Variants in LDB2 observed in about 807,000 individuals in gnomAD.
The protein encoded by LDB2 is LIM domain-binding protein 2.
A neutral mutation model predicts 44.3 loss-of-function variants in LDB2; 12 were observed. That is an observed-to-expected ratio of 0.27 (90% CI 0.17 to 0.44). The LOEUF (loss-of-function observed/expected upper bound fraction) is 0.44. LDB2 is among the 20% of genes least tolerant of loss of function. The pLI, the probability that LDB2 is intolerant of heterozygous loss-of-function variation, is 1.00. For missense variants in LDB2, 344 were observed against 473.5 expected (o/e 0.73, Z 2.54); for synonymous variants, 164 against 174.8 (o/e 0.94, Z 0.49).
intron 5 of LDB2, among the ~76,000 whole-genome samples, chr4:16,561,729 C>A (rs1163989117): frequency 1.3e-5 from 2 of 152,132 alleles, no homozygotes; most frequent in African/African-American, 4.8e-5. Context: ...CTTTAAAGTT[C>A]ACATGGAACC....
intron 1 of LDB2, among the ~76,000 whole-genome samples, chr4:16,812,339 AC>A (rs1780036236): frequency 6.6e-6 from 1 of 152,088 alleles, no homozygotes; most frequent in African/African-American, 2.4e-5. Flanking sequence ...TTTTCTCTTA[AC>A]ACAGGAAGGG....
chr4:16,878,230 A>G (rs1718998007), intron 1 of LDB2, among the ~76,000 whole-genome samples: 2 of 152,150 alleles, frequency 1.3e-5, no homozygotes, highest in Non-Finnish European at 2.9e-5. Flanking sequence ...TTTCCAATGG[A>G]TTCTGGGAAC....
At chr4:16,701,622 A>G (rs1415962015) in intron 2 of LDB2, among the ~76,000 whole-genome samples, 4 of 152,198 alleles carry the variant, frequency 2.6e-5, no homozygotes, top group Admixed American at 6.5e-5. Context: ...TAACCTTTGG[A>G]AAGTCACACA....
intron 2 of LDB2, among the ~76,000 whole-genome samples, chr4:16,729,489 A>T (rs1261038749): frequency 6.6e-6 from 1 of 152,218 alleles, no homozygotes; most frequent in Non-Finnish European, 1.5e-5. Flanking sequence ...TCAGCCAGAG[A>T]GCAGGAGAGG....
intron 1 of LDB2, among the ~76,000 whole-genome samples, chr4:16,761,445 A>G (rs1767897008): frequency 6.6e-6 from 1 of 152,164 alleles, no homozygotes; most frequent in Non-Finnish European, 1.5e-5. Context: ...TGCAGCCAGG[A>G]CTCACGCTCA....
chr4:16,703,543 G>A (rs1039523704), intron 2 of LDB2, among the ~76,000 whole-genome samples: 7 of 152,316 alleles, frequency 4.6e-5, no homozygotes, highest in Non-Finnish European at 8.8e-5. Flanking sequence ...GTCTACTGCC[G>A]ATTGGCTGTA....
chr4:16,847,712 G>A (rs1432062785), intron 1 of LDB2, among the ~76,000 whole-genome samples: 3 of 152,154 alleles, frequency 2.0e-5, no homozygotes, highest in African/African-American at 4.8e-5. Context: ...CGCCTCCAGG[G>A]TTCACACCAT....
rs79124166 is a variant in LDB2, at chr4:16,827,915, T to C, written c.133-68655A>G. 6.7e-3 allele frequency among the ~76,000 whole-genome samples: 1,013 copies of C among 152,216 alleles called. 10 individuals carry two copies. The highest frequency in any genetic ancestry group is 0.056 in the South Asian group (269 of 4,816). ...GTATCCTCTTATCTCCTAACGGCCA[T>C]CAGGCAGAAAGGAGCAGCTGGTTTT... On this transcript the variant is annotated intron_variant, in intron 1 of 7. Transcript: ENST00000304523.
At chr4:16,809,433 C>T (rs906439640) in intron 1 of LDB2, among the ~76,000 whole-genome samples, 6 of 152,126 alleles carry the variant, frequency 3.9e-5, no homozygotes, top group African/African-American at 7.2e-5. Flanking sequence ...GGTATGGTCT[C>T]GAGCTTTCTT....
At chr4:16,761,484 C>T (rs1379695932) in intron 1 of LDB2, among the ~76,000 whole-genome samples, 1 of 152,182 alleles carries the variant, frequency 6.6e-6, no homozygotes, top group African/African-American at 2.4e-5. Flanking sequence ...CACAGTAAAG[C>T]AGTTGGTAAC....
intron 5 of LDB2, among the ~76,000 whole-genome samples, chr4:16,531,889 A>G (rs537185736): frequency 2.0e-5 from 3 of 152,198 alleles, no homozygotes; most frequent in Non-Finnish European, 4.4e-5. Context: ...ATGCCCACCC[A>G]TAGTTTTTCC....
At chr4:16,877,264 T>C (rs1718713316) in intron 1 of LDB2, among the ~76,000 whole-genome samples, 1 of 152,218 alleles carries the variant, frequency 6.6e-6, no homozygotes, top group African/African-American at 2.4e-5. Flanking sequence ...TTCCTTCTTA[T>C]TCTAAGTTGT....
chr4:16,557,868 A>C (rs887181346), intron 5 of LDB2, among the ~76,000 whole-genome samples: 1 of 152,120 alleles, frequency 6.6e-6, no homozygotes, highest in African/African-American at 2.4e-5. Context: ...CTGAGACAAA[A>C]CTTCCAGAGG....
chr4:16,740,540 G>A (rs1371695213), intron 2 of LDB2, among the ~76,000 whole-genome samples: 1 of 152,196 alleles, frequency 6.6e-6, no homozygotes, highest in African/African-American at 2.4e-5. Context: ...AAAGCAGCAT[G>A]GCAGGTACTA....
chr4:16,807,921 T>C (rs894578248), intron 1 of LDB2, among the ~76,000 whole-genome samples: 7 of 152,202 alleles, frequency 4.6e-5, no homozygotes, highest in Non-Finnish European at 7.3e-5. Context: ...GGGAATTTTC[T>C]GTTAGAATTT....
At chr4:16,512,994 A>G in intron 5 of LDB2, among the ~76,000 whole-genome samples, 1 of 152,244 alleles carries the variant, frequency 6.6e-6, no homozygotes, top group East Asian at 1.9e-4. Flanking sequence ...GGAATTGCAC[A>G]TTAATCACTA....
At chr4:16,727,325 G>A (rs562510126) in intron 2 of LDB2, among the ~76,000 whole-genome samples, 7 of 152,308 alleles carry the variant, frequency 4.6e-5, no homozygotes, top group South Asian at 4.1e-4. Context: ...ATTTCCAAAC[G>A]AAAAGGCTGG....
At position 16,533,591 on chromosome 4, in the gene LDB2, A is replaced by G. The variant is rs1730828275; in HGVS notation, c.616-21487T>C. Among the ~76,000 whole-genome samples, 1 of 152,182 alleles carries G rather than the reference A, an allele frequency of 6.6e-6. No homozygotes were observed. Among genetic ancestry groups the G allele is most frequent in the Admixed American group, 6.6e-5 (1 of 15,266 alleles). On this transcript the variant is annotated intron_variant, in intron 5 of 7. Transcript: ENST00000304523. The surrounding 1 kb of genome is among the most constrained non-coding windows in gnomAD (Gnocchi z 4.1). ...GGTTTTATTTTTGTCTATAAAGCTG[A>G]GACTTCTCTCAAGAAAGCAAGACTG...
chr4:16,746,802 A>C (rs1764482867), intron 2 of LDB2, among the ~76,000 whole-genome samples: 1 of 152,098 alleles, frequency 6.6e-6, no homozygotes, highest in Admixed American at 6.6e-5. Flanking sequence ...ATAAATAACT[A>C]ATTAAAAAAA....
Sources: allele counts gnomAD v4.1 joint callset (sites outside exome capture counted in the v4.1 genomes callset), GRCh38; gene constraint gnomAD v4.1.1; non-coding constraint Gnocchi (gnomAD v3.1); transcripts MANE v1.5; gene names NCBI Gene and HGNC (gene_info 2026-07-23, HGNC 2026-07-21).